The following MACROD2 variants were observed in gnomAD, a reference collection of about 807,000 sequenced individuals.
The protein encoded by MACROD2 is ADP-ribose glycohydrolase MACROD2.
A neutral mutation model predicts 70.4 loss-of-function variants in MACROD2; 36 were observed. The observed-to-expected ratio is 0.51, with a 90% CI of 0.39 to 0.68. MACROD2 has a LOEUF of 0.68. MACROD2 is among the 30% of genes least tolerant of loss of function. MACROD2 has a pLI of 0.00. For missense variants in MACROD2, 496 were observed against 538.4 expected (o/e 0.92, Z 0.78); for synonymous variants, 172 against 178.8 (o/e 0.96, Z 0.30).
intron 3 of MACROD2, among the ~76,000 whole-genome samples, chr20:14,268,345 A>C (rs2082161599): frequency 6.6e-6 from 1 of 152,262 alleles, no homozygotes; most frequent in East Asian, 1.9e-4. Flanking sequence ...ATTTACTTGA[A>C]TTGGTATCCA....
intron 8 of MACROD2, among the ~76,000 whole-genome samples, chr20:15,737,911 T>C (rs2051047967): frequency 6.6e-6 from 1 of 151,936 alleles, no homozygotes; most frequent in African/African-American, 2.4e-5. Flanking sequence ...GATGGATGGA[T>C]GGGTGGATGA....
intron 15 of MACROD2, among the ~76,000 whole-genome samples, chr20:16,020,865 G>A (rs143694366): frequency 6.3e-4 from 96 of 152,182 alleles, no homozygotes; most frequent in African/African-American, 2.2e-3. Flanking sequence ...ACAAAAATCT[G>A]CATGTCTTCA....
intron 3 of MACROD2, among the ~76,000 whole-genome samples, chr20:14,365,369 C>T (rs1014988233): frequency 2.6e-5 from 4 of 150,964 alleles, no homozygotes; most frequent in African/African-American, 9.7e-5. Flanking sequence ...TCATAAATAA[C>T]ATACTTATAT....
intron 5 of MACROD2, among the ~76,000 whole-genome samples, chr20:14,996,657 G>A (rs1317105567): frequency 6.6e-6 from 1 of 152,182 alleles, no homozygotes; most frequent in Non-Finnish European, 1.5e-5. Context: ...GCAGCAGTGG[G>A]CTGCTTGGCG....
chr20:14,019,336 A>G (rs1323611255), intron 2 of MACROD2, among the ~76,000 whole-genome samples: 2 of 152,140 alleles, frequency 1.3e-5, no homozygotes, highest in South Asian at 2.1e-4. Context: ...CCGTGGCGCA[A>G]TCTTGGCTTA....
chr20:15,207,064 A>G (rs898186583), intron 5 of MACROD2, among the ~76,000 whole-genome samples: 10 of 152,034 alleles, frequency 6.6e-5, no homozygotes, highest in Non-Finnish European at 1.2e-4. Flanking sequence ...ACATGTATCA[A>G]TGTTCATTAT....
At position 14,466,916 on chromosome 20, in the gene MACROD2, C is replaced by T. The variant is rs546029579; in HGVS notation, c.272-26563C>T. Among the ~76,000 whole-genome samples the T allele has an allele frequency of 3.1e-3, 467 of 152,158 alleles. 2 individuals are homozygous for T. Among genetic ancestry groups the T allele is most frequent in the Non-Finnish European group, 5.4e-3 (368 of 68,014 alleles). On this transcript the variant is annotated intron_variant, in intron 3 of 17. Coordinates refer to ENST00000684519, the MANE Select transcript of MACROD2 (RefSeq NM_001351661.2). ...GGAAGTTTTGTCTCAGAGGAGTACC[C>T]GGCTGTGTGAGGTGTCAGTCCGCCC...
At chr20:14,899,141 G>A (rs567229341) in intron 5 of MACROD2, among the ~76,000 whole-genome samples, 2 of 152,170 alleles carry the variant, frequency 1.3e-5, no homozygotes, top group South Asian at 4.1e-4. Context: ...TCCTTTTCTT[G>A]TACACACTTC....
At chr20:14,803,933 A>G (rs538710792) in intron 5 of MACROD2, among the ~76,000 whole-genome samples, 2 of 152,260 alleles carry the variant, frequency 1.3e-5, no homozygotes, top group East Asian at 1.9e-4. Context: ...TGTGGCTCAA[A>G]GAAGGCAAAA....
intron 8 of MACROD2, among the ~76,000 whole-genome samples, chr20:15,726,281 A>C (rs1175636374): frequency 1.3e-5 from 2 of 152,184 alleles, no homozygotes; most frequent in Non-Finnish European, 2.9e-5. Context: ...CTATGGCTGC[A>C]TAGTATTCCA....
intron 8 of MACROD2, among the ~76,000 whole-genome samples, chr20:15,765,457 CAG>C (rs1031727782): frequency 1.9e-4 from 29 of 152,140 alleles, no homozygotes; most frequent in African/African-American, 6.8e-4. Context: ...ATTTTCATAA[CAG>C]AAACATTCAT....
intron 5 of MACROD2, among the ~76,000 whole-genome samples, chr20:15,130,972 A>G (rs553241713): frequency 1.3e-5 from 2 of 152,192 alleles, no homozygotes; most frequent in East Asian, 3.9e-4. Flanking sequence ...CAGAGAGGAG[A>G]TGGCAAAACT....
At chr20:15,539,260 C>G (rs1408141618) in intron 8 of MACROD2, among the ~76,000 whole-genome samples, 1 of 152,172 alleles carries the variant, frequency 6.6e-6, no homozygotes, top group African/African-American at 2.4e-5. Context: ...GAGCCAAATG[C>G]TTTCTCTAAA....
At chr20:15,273,417 C>CATAT (rs59038211) in intron 6 of MACROD2, among the ~76,000 whole-genome samples, 1,887 of 147,628 alleles carry the variant, frequency 0.013, 30 homozygotes, top group African/African-American at 0.039. Flanking sequence ...AACTCCCCTC[C>CATAT]ATATATATAT....
rs71192310 is a variant in MACROD2, at chr20:15,995,649, C to CTTTTTTTTTTTTTTTTTTT, written c.1153+8493_1153+8511dup. Among the ~76,000 whole-genome samples the CTTTTTTTTTTTTTTTTTTT allele has an allele frequency of 3.2e-3, 277 of 85,434 alleles. 12 individuals carry two copies. The highest frequency in any genetic ancestry group is 6.4e-3 in the African/African-American group (153 of 23,748). 56.0% of individuals were successfully genotyped at this position (85,434 alleles called of 152,430 possible). Reference sequence around the variant, plus strand: ...ACAGGCATGAGCCACTATGCCCGGCCTTTTTTTTTTTTTTTTTTTTAACTT... The same window carrying CTTTTTTTTTTTTTTTTTTT: ...ACAGGCATGAGCCACTATGCCCGGCCTTTTTTTTTTTTTTTTTTTTTTTTTTTTTTTTTTTTTTTAACTT... On this transcript the variant is annotated intron_variant, in intron 15 of 17. Coordinates refer to ENST00000684519, the MANE Select transcript of MACROD2 (RefSeq NM_001351661.2).
chr20:14,620,832 T>G (rs1293088601), intron 4 of MACROD2, among the ~76,000 whole-genome samples: 1 of 152,162 alleles, frequency 6.6e-6, no homozygotes, highest in Non-Finnish European at 1.5e-5. Context: ...TTCTTTAATT[T>G]AAATGAGTTT....
chr20:15,365,932 A>G (rs568489178), intron 6 of MACROD2, among the ~76,000 whole-genome samples: 1 of 152,322 alleles, frequency 6.6e-6, no homozygotes, highest in African/African-American at 2.4e-5. Flanking sequence ...AATAAGGAGA[A>G]GTAATTGAAA....
At chr20:15,796,594 G>C (rs6135529) in intron 8 of MACROD2, among the ~76,000 whole-genome samples, 30,061 of 152,126 alleles carry the variant, frequency 0.2, 3,024 homozygotes, top group Non-Finnish European at 0.21. Flanking sequence ...TCTCTTAATG[G>C]ACCTTAGTCT....
chr20:15,754,985 G>A (rs552070624), intron 8 of MACROD2, among the ~76,000 whole-genome samples: 4 of 151,908 alleles, frequency 2.6e-5, no homozygotes, highest in South Asian at 4.2e-4. Context: ...TAGCCTCCTG[G>A]GTAGTTGGGA....
Sources: gnomAD v4.1 joint callset for allele counts (sites outside exome capture counted in the v4.1 genomes callset) on GRCh38, gnomAD v4.1.1 for gene constraint, MANE v1.5 for transcripts, NCBI Gene and HGNC (gene_info 2026-07-23, HGNC 2026-07-21) for gene names.